EPS8: variants seen among roughly 807,000 people sequenced by gnomAD.
EPS8 encodes EGFR pathway substrate 8, signaling adaptor, also known as epidermal growth factor receptor kinase substrate 8.
A neutral mutation model predicts 103.8 loss-of-function variants in EPS8; 42 were observed. The observed-to-expected ratio is 0.40, with a 90% confidence interval of 0.32 to 0.52. The LOEUF is 0.52. EPS8 is among the 20% of genes least tolerant of loss of function. The pLI, the probability that EPS8 is intolerant of heterozygous loss-of-function variation, is 0.40. For synonymous variants in EPS8, 344 were observed against 344.6 expected (o/e 1.00, Z 0.02); for missense variants, 969 against 1,005.1 (o/e 0.96, Z 0.49).
At chr12:15,669,139 C>T (rs1565490433) in intron 6 of EPS8, among the ~76,000 whole-genome samples, 1 of 152,202 alleles carries the variant, frequency 6.6e-6, no homozygotes, top group Admixed American at 6.5e-5. Context: ...AGCCATCTTA[C>T]AGCCTTGGCC....
At chr12:15,663,941 A>ATAATAATAATAAT (rs71042266) in intron 8 of EPS8, among the ~76,000 whole-genome samples, 110 of 73,246 alleles carry the variant, frequency 1.5e-3, no homozygotes, top group Non-Finnish European at 1.9e-3. Flanking sequence ...AAAAAAAAAA[A>ATAATAATAATAAT]AAAAATAATA....
chr12:15,683,031 CA>C, intron 1 of EPS8, 59 bp from the exon 2 acceptor site: 1 of 843,240 alleles, frequency 1.2e-6, no homozygotes, highest in Non-Finnish European at 1.8e-6. Context: ...ATCTCAGTTT[CA>C]AAAGTTATTC....
rs994288363 is a variant in EPS8 at position 15,731,058 on chromosome 12, G to C, written c.-21-48086C>G. ...AAATGCCTCTTGTGCAAAAAGTTCAGTCAAAAATATATATCATAGTACCTT... is the reference window on the plus strand; with the variant it reads ...AAATGCCTCTTGTGCAAAAAGTTCACTCAAAAATATATATCATAGTACCTT... On this transcript the variant is annotated intron_variant, in intron 1 of 20. Transcript: ENST00000281172. This position sits in a 1 kb window ranked among gnomAD's most constrained non-coding sequence, Gnocchi z 5.1. Among the ~76,000 whole-genome samples the C allele has an allele frequency of 6.6e-6, 1 of 152,060 alleles. No individual in the cohort carries two copies. Among genetic ancestry groups the C allele is most frequent in the Admixed American group, 6.5e-5 (1 of 15,278 alleles).
rs1310964779 is a variant in EPS8 at position 15,684,530 on chromosome 12, AAAG to A, written c.-21-1561_-21-1559del. Among the ~76,000 whole-genome samples the A allele has an allele frequency of 6.6e-6, 1 of 152,232 alleles. No individual in the cohort carries two copies. The highest frequency in any genetic ancestry group is 2.4e-5 in the African/African-American group (1 of 41,458). ...TCATTAAATATTTATTCAAAGAAAG[AAAG>A]AAGGAAATCCATGTCCCACTCTTCA... On this transcript the variant is annotated intron_variant, in intron 1 of 20. Coordinates refer to ENST00000281172, the MANE Select transcript of EPS8 (RefSeq NM_004447.6). This position sits in a 1 kb window ranked among gnomAD's most constrained non-coding sequence, Gnocchi z 4.9.
chr12:15,634,243 G>A (rs1431997990), intron 17 of EPS8, among the ~76,000 whole-genome samples: 17 of 152,170 alleles, frequency 1.1e-4, no homozygotes, highest in Admixed American at 1.0e-3. Context: ...AGCCTGGTGT[G>A]GACCTACTTT....
chr12:15,640,803 C>G lies in EPS8; in HGVS notation c.1721G>C (p.Ser574Thr). Residue 574 changes from serine to threonine, a missense_variant, in exon 17 of 21, where the codon AGT (serine) becomes ACT (threonine). Physicochemically the swap from Ser to Thr is moderately conservative, Grantham distance 58. Coordinates refer to ENST00000281172, the MANE Select transcript of EPS8 (RefSeq NM_004447.6). Reference sequence around the variant, plus strand: ...ATTTGGCACAAATCCAGAGTCTCCACTTGCATTTCGAACTTTCCACCATTG... The same window carrying G: ...ATTTGGCACAAATCCAGAGTCTCCAGTTGCATTTCGAACTTTCCACCATTG... ...RKQWWKVRNA[S>T]GDSGFVPNNI... 6.2e-7 allele frequency: 1 copy of G among 1,613,914 alleles called. No homozygotes were observed. Among genetic ancestry groups the G allele is most frequent in the Non-Finnish European group, 8.5e-7 (1 of 1,179,828 alleles).
At chr12:15,662,169 TA>T in intron 8 of EPS8, 70 bp from the exon 9 acceptor site, 2 of 1,562,650 alleles carry the variant, frequency 1.3e-6, no homozygotes, top group South Asian at 2.3e-5. Flanking sequence ...AATTAAAACA[TA>T]AAAATTAGTT....
rs1365725592 is a variant in EPS8 at position 15,728,707 on chromosome 12, T to C, written c.-21-45735A>G. On this transcript the variant is annotated intron_variant, in intron 1 of 20. Transcript: ENST00000281172. This position sits in a 1 kb window ranked among gnomAD's most constrained non-coding sequence, Gnocchi z 4.5. Reference sequence around the variant, plus strand: ...TACTTGAACACAAAACAACACTCCATTCCTGAGACTTTCAATAAGTTTAAA... The same window carrying C: ...TACTTGAACACAAAACAACACTCCACTCCTGAGACTTTCAATAAGTTTAAA... Among the ~76,000 whole-genome samples the C allele has an allele frequency of 6.6e-6, 1 of 152,170 alleles. No homozygotes were observed. The highest frequency in any genetic ancestry group is 1.5e-5 in the Non-Finnish European group (1 of 68,022).
rs555047407 is a variant in EPS8, at chr12:15,639,012, T to A, written c.1821+1691A>T. 2.6e-5 allele frequency among the ~76,000 whole-genome samples: 4 copies of A among 152,364 alleles called. No homozygotes were observed. In the East Asian group the frequency reaches 7.7e-4, roughly 29 times the overall value. ...TATAGAATTCATACTATTTGCATGT[T>A]TTTTATTTTATCGCAGTTTGCTTAT... On this transcript the variant is annotated intron_variant, in intron 17 of 20. Coordinates refer to ENST00000281172, the MANE Select transcript of EPS8 (RefSeq NM_004447.6).
At chr12:15,648,246 C>T (rs1256245903) in intron 14 of EPS8, among the ~76,000 whole-genome samples, 1 of 152,194 alleles carries the variant, frequency 6.6e-6, no homozygotes, top group South Asian at 2.1e-4. Context: ...AAAGCCTTTA[C>T]TTTGTTTCTT....
At position 15,759,967 on chromosome 12, in the gene EPS8, A is replaced by C. The variant is rs1947024131; in HGVS notation, c.-22+29194T>G. On this transcript the variant is annotated intron_variant, in intron 1 of 20. Transcript: ENST00000281172. The surrounding 1 kb of genome is among the most constrained non-coding windows in gnomAD (Gnocchi z 4.9). ...GAAAAAAGGAAATGATAAAGATCAG[A>C]GCAGAAATAAGAGAAATTAAAAAGA... Among the ~76,000 whole-genome samples the C allele has an allele frequency of 6.6e-6, 1 of 151,998 alleles. No homozygotes were observed. Among genetic ancestry groups the C allele is most frequent in the Non-Finnish European group, 1.5e-5 (1 of 67,928 alleles).
At chr12:15,730,210 G>C (rs1044107630) in intron 1 of EPS8, among the ~76,000 whole-genome samples, 5 of 151,912 alleles carry the variant, frequency 3.3e-5, no homozygotes, top group African/African-American at 1.2e-4. Flanking sequence ...CACACACACA[G>C]AGTCATTTAC....
chr12:15,625,536 A>C (rs758599801), intron 18 of EPS8, among the ~76,000 whole-genome samples: 8 of 152,136 alleles, frequency 5.3e-5, no homozygotes, highest in Non-Finnish European at 1.0e-4. Context: ...AATGTCGCCG[A>C]AATTCAATTT....
In EPS8 at chr12:15,778,178, A is replaced by G. The variant is rs1947225877; in HGVS notation, c.-22+10983T>C. Among the ~76,000 whole-genome samples the G allele has an allele frequency of 6.6e-6, 1 of 152,208 alleles. No homozygotes were observed. ...GATTATTCATTTTAAAATAGAAGTG[A>G]TAATACTTTAAGCAAATCTGAGAAT... is the stretch of plus-strand genomic sequence containing the variant. On this transcript the variant is annotated intron_variant, in intron 1 of 20. Coordinates refer to ENST00000281172, the MANE Select transcript of EPS8 (RefSeq NM_004447.6). The surrounding 1 kb of genome is among the most constrained non-coding windows in gnomAD (Gnocchi z 4.5).
intron 1 of EPS8, among the ~76,000 whole-genome samples, chr12:15,730,765 A>G (rs1409158523): frequency 6.6e-6 from 1 of 152,134 alleles, no homozygotes; most frequent in African/African-American, 2.4e-5. Context: ...CTGCTCATCT[A>G]TACTTCCTTT....
Position 15,778,158 on chromosome 12 carries a change from T to C in EPS8, c.-22+11003A>G, listed in dbSNP as rs944642288. 6.6e-6 allele frequency among the ~76,000 whole-genome samples: 1 copy of C among 152,238 alleles called. No homozygotes were observed. Among genetic ancestry groups the C allele is most frequent in the Non-Finnish European group, 1.5e-5 (1 of 68,044 alleles). ...GTTCAGGCTAGGCCACCATGGATTA[T>C]TCATTTTAAAATAGAAGTGATAATA... On this transcript the variant is annotated intron_variant, in intron 1 of 20. Coordinates refer to ENST00000281172, the MANE Select transcript of EPS8 (RefSeq NM_004447.6). This position sits in a 1 kb window ranked among gnomAD's most constrained non-coding sequence, Gnocchi z 4.5.
chr12:15,665,623 G>C lies in EPS8; in HGVS notation c.736+133C>G. The C allele has an allele frequency of 3.7e-6, 4 of 1,069,700 alleles. No individual in the cohort carries two copies. The South Asian group carries it at 5.5e-5, about 15-fold the overall frequency. 66.3% of individuals were successfully genotyped at this position (1,069,700 alleles called of 1,614,324 possible). A position where few individuals can be genotyped will look rare whatever the true frequency, so the allele number is the denominator to read the frequency against. On this transcript the variant is annotated intron_variant, in intron 8 of 20. Transcript: ENST00000281172. ...TGGGATTACAGGCATGAGCCACTGC[G>C]CCCGGCCAGAGTTGATTTTTTAAAA...
chr12:15,646,025 A>C (rs1945314355), intron 15 of EPS8, among the ~76,000 whole-genome samples: 1 of 152,220 alleles, frequency 6.6e-6, no homozygotes. Context: ...ATGAATACTT[A>C]GTTAAGGATT....
At chr12:15,650,298 A>C (rs1221401032) in intron 14 of EPS8, among the ~76,000 whole-genome samples, 1 of 152,206 alleles carries the variant, frequency 6.6e-6, no homozygotes, top group African/African-American at 2.4e-5. Flanking sequence ...AGAACTAGGC[A>C]AAAGGGAAGA....
Sources: gnomAD v4.1 joint callset for allele counts (sites outside exome capture counted in the v4.1 genomes callset) on GRCh38, gnomAD v4.1.1 for gene constraint, Gnocchi (gnomAD v3.1) non-coding constraint, MANE v1.5 for transcripts, NCBI Gene and HGNC (gene_info 2026-07-23, HGNC 2026-07-21) for gene names.